The following NCMAP variants were observed in gnomAD, a reference collection of about 807,000 sequenced individuals.
NCMAP encodes non-compact myelin associated protein, also known as noncompact myelin-associated protein.
A neutral mutation model predicts 7.8 loss-of-function variants in NCMAP; 8 were observed. That is an observed-to-expected ratio of 1.02 (90% CI 0.60 to 1.84). The LOEUF (loss-of-function observed/expected upper bound fraction) is 1.84, where lower values mean the gene tolerates loss of function less well. Ranked by LOEUF, NCMAP falls within the 40% of genes most tolerant of loss-of-function variation. The pLI, the probability that NCMAP is intolerant of heterozygous loss-of-function variation, is 0.00. For missense variants in NCMAP, 112 were observed against 131.4 expected (o/e 0.85, Z 0.72); for synonymous variants, 41 against 52.9 (o/e 0.78, Z 0.98).
intron 1 of NCMAP, among the ~76,000 whole-genome samples, chr1:24,559,641 G>A (rs993087408): frequency 2.6e-5 from 4 of 152,210 alleles, no homozygotes; most frequent in African/African-American, 7.2e-5. Context: ...GGCCTTCTCC[G>A]AAGGGCCTCC....
chr1:24,590,113 A>G (rs907951114), intron 1 of NCMAP, among the ~76,000 whole-genome samples: 12 of 152,186 alleles, frequency 7.9e-5, no homozygotes, highest in African/African-American at 2.2e-4. Flanking sequence ...AGTTGGCTTT[A>G]TATTATCAAG....
At chr1:24,584,780 T>A (rs1487824766) in intron 1 of NCMAP, among the ~76,000 whole-genome samples, 2 of 152,066 alleles carry the variant, frequency 1.3e-5, no homozygotes, top group Non-Finnish European at 2.9e-5. Context: ...CCTCAGGACA[T>A]AATCCCCTTG....
intron 1 of NCMAP, among the ~76,000 whole-genome samples, chr1:24,575,487 T>C (rs1335158562): frequency 6.6e-6 from 1 of 152,062 alleles, no homozygotes; most frequent in Non-Finnish European, 1.5e-5. Flanking sequence ...GGAGGGTGAA[T>C]AATTTGTCTA....
At chr1:24,561,864 CA>C (rs1476389786) in intron 1 of NCMAP, among the ~76,000 whole-genome samples, 1 of 150,206 alleles carries the variant, frequency 6.7e-6, no homozygotes, top group Non-Finnish European at 1.5e-5. Flanking sequence ...GAGCTGAGAT[CA>C]TGCCACCGCA....
intron 3 of NCMAP, among the ~76,000 whole-genome samples, chr1:24,603,664 T>C (rs772436550): frequency 1.3e-5 from 2 of 152,334 alleles, no homozygotes; most frequent in East Asian, 1.9e-4. Flanking sequence ...AGCTTGATAA[T>C]TGCATTATAG....
chr1:24,560,759 A>G (rs1651026837), intron 1 of NCMAP, among the ~76,000 whole-genome samples: 1 of 150,990 alleles, frequency 6.6e-6, no homozygotes. Flanking sequence ...AAAAAAAAAA[A>G]GCAGTTGTGC....
At chr1:24,562,533 T>G (rs1393924496) in intron 1 of NCMAP, among the ~76,000 whole-genome samples, 2 of 152,230 alleles carry the variant, frequency 1.3e-5, no homozygotes, top group African/African-American at 2.4e-5. Flanking sequence ...ACATACCAGC[T>G]TTCCATGTGG....
intron 1 of NCMAP, among the ~76,000 whole-genome samples, chr1:24,585,991 G>A (rs1651869339): frequency 6.6e-6 from 1 of 152,212 alleles, no homozygotes; most frequent in South Asian, 2.1e-4. Context: ...AAGAGAGCAG[G>A]GAGAACACAG....
At position 24,576,980 on chromosome 1, in the gene NCMAP, A is replaced by ATG. The variant is rs1318996018; in HGVS notation, c.-7-18444_-7-18443insTG. Among the ~76,000 whole-genome samples the ATG allele has an allele frequency of 6.6e-6, 1 of 151,214 alleles. No homozygotes were observed. The highest frequency in any genetic ancestry group is 1.5e-5 in the Non-Finnish European group (1 of 67,846). On this transcript the variant is annotated intron_variant, in intron 1 of 3. Transcript: ENST00000374392. The surrounding 1 kb of genome is among the most constrained non-coding windows in gnomAD (Gnocchi z 4.0). Reference sequence around the variant, plus strand: ...CTGTCTCTACTAAAAGCACACACACACAAAAAAATTAGCTGGGCGTGGTGG... The same window carrying ATG: ...CTGTCTCTACTAAAAGCACACACACATGCAAAAAAATTAGCTGGGCGTGGTGG...
intron 1 of NCMAP, among the ~76,000 whole-genome samples, chr1:24,580,783 T>G (rs1251862569): frequency 1.3e-5 from 2 of 152,156 alleles, no homozygotes; most frequent in Non-Finnish European, 2.9e-5. Context: ...TAGCCCCACC[T>G]GGCACCCTGA....
At chr1:24,584,706 C>T (rs1219426651) in intron 1 of NCMAP, among the ~76,000 whole-genome samples, 1 of 151,766 alleles carries the variant, frequency 6.6e-6, no homozygotes, top group Non-Finnish European at 1.5e-5. Flanking sequence ...ATGCCCAGTA[C>T]ATGTGATTGA....
chr1:24,580,179 C>A (rs571459573), intron 1 of NCMAP, among the ~76,000 whole-genome samples: 1 of 152,382 alleles, frequency 6.6e-6, no homozygotes, highest in Non-Finnish European at 1.5e-5. Context: ...CGGGAGCCAC[C>A]AGCCACGGCG....
intron 1 of NCMAP, among the ~76,000 whole-genome samples, chr1:24,586,856 C>T (rs1199407973): frequency 6.6e-6 from 1 of 151,876 alleles, no homozygotes; most frequent in Non-Finnish European, 1.5e-5. Context: ...AGTTGGGGGC[C>T]ATCTTTCAGC....
At chr1:24,561,178 CAA>C (rs755072214) in intron 1 of NCMAP, among the ~76,000 whole-genome samples, 4 of 103,896 alleles carry the variant, frequency 3.9e-5, no homozygotes, top group African/African-American at 4.0e-5. Flanking sequence ...ACTAAAAATA[CAA>C]AAAAAAAAAA....
intron 1 of NCMAP, among the ~76,000 whole-genome samples, chr1:24,593,881 T>A (rs930202381): frequency 2.1e-4 from 30 of 143,148 alleles, no homozygotes; most frequent in Non-Finnish European, 3.9e-4. Flanking sequence ...TATTTATTTA[T>A]TTATTTATTT....
chr1:24,582,129 G>A (rs1651764494), intron 1 of NCMAP, among the ~76,000 whole-genome samples: 1 of 152,068 alleles, frequency 6.6e-6, no homozygotes, highest in South Asian at 2.1e-4. Context: ...CCCTTCTCAT[G>A]CGCAACCTCC....
At chr1:24,601,111 G>A (rs1445843493) in intron 3 of NCMAP, 87 bp downstream of exon 3, 15 of 1,074,014 alleles carry the variant, frequency 1.4e-5, no homozygotes, top group Non-Finnish European at 1.9e-5. Flanking sequence ...GGTGTCCGTC[G>A]TGTGCCTGGC....
chr1:24,564,836 C>G (rs1651174074), intron 1 of NCMAP, among the ~76,000 whole-genome samples: 1 of 151,988 alleles, frequency 6.6e-6, no homozygotes, highest in East Asian at 1.9e-4. Context: ...TTATTCTTCT[C>G]AACAGCAATA....
chr1:24,578,552 C>CTT (rs796378159), intron 1 of NCMAP, among the ~76,000 whole-genome samples: 2,883 of 131,758 alleles, frequency 0.022, 125 homozygotes, highest in African/African-American at 0.083. Context: ...TTTTCTTTTT[C>CTT]TTTCTTTCTT....
Sources: allele counts gnomAD v4.1 joint callset (sites outside exome capture counted in the v4.1 genomes callset), GRCh38; gene constraint gnomAD v4.1.1; non-coding constraint Gnocchi (gnomAD v3.1); transcripts MANE v1.5; gene names NCBI Gene and HGNC (gene_info 2026-07-23, HGNC 2026-07-21).